MAGI2: variants seen among roughly 807,000 people sequenced by gnomAD.
The protein encoded by MAGI2 is membrane-associated guanylate kinase, WW and PDZ domain-containing protein 2.
A neutral mutation model predicts 133.3 loss-of-function variants in MAGI2; 35 were observed. The ratio of observed to expected loss-of-function variants is 0.26; its 90% CI spans 0.20 to 0.35. The LOEUF (loss-of-function observed/expected upper bound fraction) is 0.35, where lower values mean the gene tolerates loss of function less well. Among genes scored for constraint, MAGI2 ranks in the 10% least tolerant of loss-of-function variants. MAGI2 has a pLI of 1.00. For missense variants in MAGI2, 1,636 were observed against 1,863.4 expected (o/e 0.88, Z 2.25); for synonymous variants, 729 against 710.6 (o/e 1.03, Z -0.41).
intron 2 of MAGI2, among the ~76,000 whole-genome samples, chr7:78,869,210 A>C (rs1794833532): frequency 1.3e-5 from 2 of 152,176 alleles, no homozygotes; most frequent in South Asian, 2.1e-4. Flanking sequence ...TTTGCTGTGC[A>C]GAAGCTTTTT....
At chr7:79,431,386 A>G (rs1847768516) in intron 1 of MAGI2, among the ~76,000 whole-genome samples, 2 of 152,204 alleles carry the variant, frequency 1.3e-5, no homozygotes, top group African/African-American at 4.8e-5. Context: ...GTTCATTTAA[A>G]GTGATAATAT....
chr7:78,099,025 A>G (rs1254042138), intron 20 of MAGI2, among the ~76,000 whole-genome samples: 1 of 152,122 alleles, frequency 6.6e-6, no homozygotes, highest in African/African-American at 2.4e-5. Context: ...TCAAATACAA[A>G]TGATTTCCAA....
In MAGI2 at chr7:78,125,814, G is replaced by C. The variant is rs1820920116; in HGVS notation, c.3447C>G (p.Asp1149Glu). ...QPQDFDYFTV[D>E]MEKGAKGFGF... ...CAAATCCTTTGGCTCCTTTCTCCAT[G>C]TCCACAGTGAAATAATCAAAATCCT... Residue 1149 changes from aspartate (D) to glutamate (E), a missense_variant, in exon 20 of 22, where the codon GAC becomes GAG. Transcript: ENST00000354212. 6.2e-7 allele frequency: 1 copy of C among 1,614,020 alleles called. No individual in the cohort carries two copies. The highest frequency in any genetic ancestry group is 1.3e-5 in the African/African-American group (1 of 74,980).
intron 2 of MAGI2, among the ~76,000 whole-genome samples, chr7:78,972,479 AG>A (rs1021631154): frequency 1.3e-5 from 2 of 151,888 alleles, no homozygotes; most frequent in African/African-American, 4.8e-5. Flanking sequence ...CTAAAACATT[AG>A]ATTTTGTTAT....
intron 5 of MAGI2, among the ~76,000 whole-genome samples, 161 bp downstream of exon 5, chr7:78,501,416 G>A (rs909941877): frequency 6.6e-6 from 1 of 151,024 alleles, no homozygotes; most frequent in African/African-American, 2.4e-5. Context: ...AGGCTTAACT[G>A]TATTAAGGCA....
At chr7:79,166,574 G>C (rs1404570082) in intron 1 of MAGI2, among the ~76,000 whole-genome samples, 1 of 152,086 alleles carries the variant, frequency 6.6e-6, no homozygotes, top group Non-Finnish European at 1.5e-5. Flanking sequence ...GTCTTAATGT[G>C]GTAATTTGTT....
At chr7:79,384,831 A>G (rs771359206) in intron 1 of MAGI2, among the ~76,000 whole-genome samples, 2 of 151,742 alleles carry the variant, frequency 1.3e-5, no homozygotes, top group Non-Finnish European at 3.0e-5. Flanking sequence ...CATCTGTATG[A>G]CTATGGAAAC....
At chr7:79,412,952 C>T (rs2129172615) in intron 1 of MAGI2, 1 of 152,238 alleles carries the variant, frequency 6.6e-6, no homozygotes, top group South Asian at 2.1e-4. Flanking sequence ...GAGAAAATAT[C>T]CTCAAATCTT....
At chr7:78,806,822 C>CATGCCACT (rs11281644) in intron 2 of MAGI2, among the ~76,000 whole-genome samples, 2,573 of 151,248 alleles carry the variant, frequency 0.017, 70 homozygotes, top group African/African-American at 0.052. Context: ...GAGCCATAAT[C>CATGCCACT]ATGCCACTGA....
intron 21 of MAGI2, among the ~76,000 whole-genome samples, chr7:78,052,315 C>G (rs1210122385): frequency 6.6e-6 from 1 of 152,114 alleles, no homozygotes; most frequent in Non-Finnish European, 1.5e-5. Context: ...TCTTGGTTTC[C>G]TGGGGAACGA....
At chr7:78,865,233 T>C (rs1040829396) in intron 2 of MAGI2, among the ~76,000 whole-genome samples, 2 of 152,110 alleles carry the variant, frequency 1.3e-5, no homozygotes, top group African/African-American at 4.8e-5. Context: ...GTTTGAAAAA[T>C]TGGTTCCACA....
intron 1 of MAGI2, among the ~76,000 whole-genome samples, chr7:79,155,927 A>G (rs1823734843): frequency 6.6e-6 from 1 of 152,160 alleles, no homozygotes; most frequent in South Asian, 2.1e-4. Context: ...CTTTTTGAAA[A>G]GAACCTTTTG....
At chr7:79,287,690 A>G (rs1375610015) in intron 1 of MAGI2, among the ~76,000 whole-genome samples, 1 of 152,150 alleles carries the variant, frequency 6.6e-6, no homozygotes, top group African/African-American at 2.4e-5. Context: ...TAAGGTGCCT[A>G]GCACAAATAG....
intron 2 of MAGI2, among the ~76,000 whole-genome samples, chr7:78,999,918 C>A (rs1806688095): frequency 6.6e-6 from 1 of 152,152 alleles, no homozygotes; most frequent in African/African-American, 2.4e-5. Flanking sequence ...GAACAAAAAT[C>A]TGGCAGCTTC....
chr7:79,294,301 T>C (rs1340852310), intron 1 of MAGI2, among the ~76,000 whole-genome samples: 1 of 151,954 alleles, frequency 6.6e-6, no homozygotes, highest in Non-Finnish European at 1.5e-5. Flanking sequence ...CAGAAAAGAT[T>C]AGGCTTGCGG....
chr7:78,274,894 G>A (rs570585643), intron 9 of MAGI2, among the ~76,000 whole-genome samples: 17 of 152,254 alleles, frequency 1.1e-4, no homozygotes, highest in African/African-American at 2.9e-4. Context: ...GGTGGGACCC[G>A]CTGAGCCAGA....
chr7:78,536,199 G>A (rs1309675136), intron 3 of MAGI2, among the ~76,000 whole-genome samples: 2 of 120,546 alleles, frequency 1.7e-5, no homozygotes, highest in South Asian at 3.1e-4. Flanking sequence ...TGCAAGCTCC[G>A]CCTCCCGGGT....
At chr7:78,992,277 G>T (rs986648047) in intron 2 of MAGI2, among the ~76,000 whole-genome samples, 1 of 151,906 alleles carries the variant, frequency 6.6e-6, no homozygotes, top group African/African-American at 2.4e-5. Context: ...ATTTGAACTT[G>T]CAATAAAGAT....
At chr7:78,929,730 C>T (rs374338601) in intron 2 of MAGI2, among the ~76,000 whole-genome samples, 8 of 152,188 alleles carry the variant, frequency 5.3e-5, no homozygotes, top group African/African-American at 1.9e-4. Flanking sequence ...TGATAATCCC[C>T]CTATCTGAAG....
Sources: gnomAD v4.1 joint callset for allele counts (sites outside exome capture counted in the v4.1 genomes callset) on GRCh38, gnomAD v4.1.1 for gene constraint, MANE v1.5 for transcripts, NCBI Gene and HGNC (gene_info 2026-07-23, HGNC 2026-07-21) for gene names.